The following GRM7 variants were observed in gnomAD, a reference collection of about 807,000 sequenced individuals.
GRM7 encodes the protein metabotropic glutamate receptor 7.
A neutral mutation model predicts 84.5 loss-of-function variants in GRM7; 35 were observed. The ratio of observed to expected loss-of-function variants is 0.41; its 90% CI spans 0.32 to 0.55. The LOEUF (loss-of-function observed/expected upper bound fraction) is 0.55. Among genes scored for constraint, GRM7 ranks in the 20% least tolerant of loss-of-function variants. The pLI is 0.19. For missense variants in GRM7, 1,003 were observed against 1,194.6 expected (o/e 0.84, Z 2.36); for synonymous variants, 487 against 455.1 (o/e 1.07, Z -0.89).
chr3:7,005,553 A>G (rs79949048), intron 1 of GRM7, among the ~76,000 whole-genome samples: 1,547 of 152,352 alleles, frequency 0.01, 30 homozygotes, highest in African/African-American at 0.034. Context: ...ATTTTAAAAC[A>G]TACTTCATAA....
At chr3:7,103,746 C>CTCCCTTTCTTTCTTTCTT (rs1377587572) in intron 1 of GRM7, among the ~76,000 whole-genome samples, 18 of 124,202 alleles carry the variant, frequency 1.4e-4, no homozygotes, top group South Asian at 2.5e-4. Flanking sequence ...CTTTCTCTCT[C>CTCCCTTTCTTTCTTTCTT]TCCCTTTCTT....
intron 1 of GRM7, among the ~76,000 whole-genome samples, chr3:6,913,668 T>C (rs1476260899): frequency 2.0e-5 from 3 of 152,212 alleles, no homozygotes; most frequent in African/African-American, 7.2e-5. Flanking sequence ...ATTCATAAAG[T>C]GATGTTTCTA....
chr3:6,926,849 G>A (rs958551002), intron 1 of GRM7, among the ~76,000 whole-genome samples: 1 of 152,174 alleles, frequency 6.6e-6, no homozygotes, highest in Admixed American at 6.6e-5. Context: ...TTTGTGAATA[G>A]AGTTGCGGCA....
At chr3:7,327,548 C>A (rs1273003872) in intron 4 of GRM7, among the ~76,000 whole-genome samples, 1 of 151,950 alleles carries the variant, frequency 6.6e-6, no homozygotes, top group Non-Finnish European at 1.5e-5. Flanking sequence ...ACATTTTGAC[C>A]TTTATAGTGT....
chr3:7,081,812 T>C (rs920345845), intron 1 of GRM7, among the ~76,000 whole-genome samples: 2 of 152,068 alleles, frequency 1.3e-5, no homozygotes, highest in Admixed American at 1.3e-4. Context: ...GTTTGAGTGG[T>C]GTGGATAGAA....
intron 7 of GRM7, among the ~76,000 whole-genome samples, chr3:7,568,870 G>A (rs1162173276): frequency 6.6e-6 from 1 of 152,106 alleles, no homozygotes; most frequent in East Asian, 1.9e-4. Flanking sequence ...CCATGCCTGA[G>A]CGCCCCCCCT....
At chr3:7,227,317 G>C (rs770166369) in intron 2 of GRM7, among the ~76,000 whole-genome samples, 12 of 152,094 alleles carry the variant, frequency 7.9e-5, no homozygotes, top group Non-Finnish European at 1.5e-4. Context: ...AGAATAATTT[G>C]GCATCTGTAT....
At chr3:7,285,995 T>C (rs569418311) in intron 2 of GRM7, among the ~76,000 whole-genome samples, 29 of 152,294 alleles carry the variant, frequency 1.9e-4, no homozygotes, top group African/African-American at 6.5e-4. Context: ...TCTGGATGAT[T>C]GTGTGCATTC....
At chr3:7,346,085 G>C (rs146723851) in intron 4 of GRM7, among the ~76,000 whole-genome samples, 164 of 152,190 alleles carry the variant, frequency 1.1e-3, no homozygotes, top group African/African-American at 3.9e-3. Context: ...GAGACCTGTG[G>C]TAAATACTCT....
At chr3:7,715,587 T>C (rs1025621967) in intron 9 of GRM7, among the ~76,000 whole-genome samples, 4 of 152,208 alleles carry the variant, frequency 2.6e-5, no homozygotes, top group Non-Finnish European at 4.4e-5. Flanking sequence ...ACTTTACTTA[T>C]ATAATCCTCA....
intron 7 of GRM7, among the ~76,000 whole-genome samples, chr3:7,484,876 T>C (rs2124942149): frequency 6.6e-6 from 1 of 152,286 alleles, no homozygotes; most frequent in South Asian, 2.1e-4. Flanking sequence ...GATGTTCCTT[T>C]CTGAAATTAG....
intron 2 of GRM7, among the ~76,000 whole-genome samples, chr3:7,229,034 G>A (rs1697075317): frequency 6.6e-6 from 1 of 152,040 alleles, no homozygotes. Context: ...AAAGTGGAAA[G>A]AATCATACAG....
intron 2 of GRM7, among the ~76,000 whole-genome samples, chr3:7,252,103 T>G (rs1431705051): frequency 2.0e-5 from 3 of 152,098 alleles, no homozygotes; most frequent in Non-Finnish European, 4.4e-5. Context: ...TCACATTAAA[T>G]TATAACTCTT....
At chr3:7,609,951 A>C (rs1696769959) in intron 8 of GRM7, among the ~76,000 whole-genome samples, 1 of 152,142 alleles carries the variant, frequency 6.6e-6, no homozygotes, top group African/African-American at 2.4e-5. Flanking sequence ...ACTTCTGACA[A>C]ATAGATTCCC....
At chr3:6,990,607 G>C (rs1423332926) in intron 1 of GRM7, among the ~76,000 whole-genome samples, 1 of 152,088 alleles carries the variant, frequency 6.6e-6, no homozygotes, top group African/African-American at 2.4e-5. Flanking sequence ...TTTAACAAAT[G>C]CTGGGTTTTC....
Position 6,862,877 on chromosome 3 carries a change from G to A in GRM7, c.519+970G>A, listed in dbSNP as rs142422637. 2,786 of 401,076 alleles carry A rather than the reference G, an allele frequency of 6.9e-3. 13 individuals carry two copies. The highest frequency in any genetic ancestry group is 0.017 in the Middle Eastern group (44 of 2,592). The allele number at this position is 401,076 out of a possible 1,614,324, so 24.8% of individuals were successfully genotyped here. On this transcript the variant is annotated intron_variant, in intron 1 of 9. Coordinates refer to ENST00000357716, the MANE Select transcript of GRM7 (RefSeq NM_000844.4). The surrounding 1 kb of genome is among the most constrained non-coding windows in gnomAD (Gnocchi z 5.2). ...CCCGTGGTCCTCCTGCTCCGGTGCC[G>A]GAGGGAGACGGAGAAAAAATGGGAG...
At position 6,906,106 on chromosome 3, in the gene GRM7, A is replaced by T. The variant is rs571919309; in HGVS notation, c.519+44199A>T. On this transcript the variant is annotated intron_variant, in intron 1 of 9. Transcript: ENST00000357716. Reference sequence around the variant, plus strand: ...TGGTTTCTCCTGGAATAATTCATACAGTTTCAGTTAGCTGATGAATCAGCA... The same window carrying T: ...TGGTTTCTCCTGGAATAATTCATACTGTTTCAGTTAGCTGATGAATCAGCA... Among the ~76,000 whole-genome samples the T allele has an allele frequency of 3.3e-5, 5 of 152,218 alleles. No homozygotes were observed. The South Asian group carries it at 6.2e-4, about 19-fold the overall frequency.
chr3:7,432,280 A>C (rs1445154421), intron 5 of GRM7, among the ~76,000 whole-genome samples: 2 of 152,238 alleles, frequency 1.3e-5, no homozygotes, highest in Admixed American at 1.3e-4. Context: ...GCCAGTGTAA[A>C]CAAACATAAT....
chr3:6,902,337 A>C (rs1264867163), intron 1 of GRM7, among the ~76,000 whole-genome samples: 1 of 152,170 alleles, frequency 6.6e-6, no homozygotes, highest in Non-Finnish European at 1.5e-5. Flanking sequence ...GAATACAGAA[A>C]ATGAAAAATT....
Sources: allele counts gnomAD v4.1 joint callset (sites outside exome capture counted in the v4.1 genomes callset), GRCh38; gene constraint gnomAD v4.1.1; non-coding constraint Gnocchi (gnomAD v3.1); transcripts MANE v1.5; gene names NCBI Gene and HGNC (gene_info 2026-07-23, HGNC 2026-07-21).